The following LDHC variants were observed in gnomAD, a reference collection of about 807,000 sequenced individuals.
LDHC encodes the protein L-lactate dehydrogenase C chain.
LDHC carries 20 observed loss-of-function variants against 30.2 expected under a neutral mutation model. The observed-to-expected ratio is 0.66, with a 90% confidence interval of 0.47 to 0.96. The LOEUF (loss-of-function observed/expected upper bound fraction) is 0.96, where lower values mean the gene tolerates loss of function less well. LDHC is among the 40% of genes least tolerant of loss of function. The probability of loss-of-function intolerance (pLI) is 0.00; values close to 1 mark genes in which losing one functional copy is unlikely to be tolerated. For synonymous variants in LDHC, 139 were observed against 132.7 expected, an observed-to-expected ratio of 1.05 and a Z score of -0.32; for missense variants, 362 against 394.9, an observed-to-expected ratio of 0.92 and a Z score of 0.71.
At chr11:18,447,182 G>A (rs1472135977) in intron 7 of LDHC, among the ~76,000 whole-genome samples, 1 of 149,008 alleles carries the variant, frequency 6.7e-6, no homozygotes, top group Non-Finnish European at 1.5e-5. Flanking sequence ...CACCCAGGCT[G>A]GAGTGCAGTC....
At chr11:18,441,130 A>C (rs1214820189) in intron 6 of LDHC, among the ~76,000 whole-genome samples, 1 of 151,820 alleles carries the variant, frequency 6.6e-6, no homozygotes, top group Non-Finnish European at 1.5e-5. Flanking sequence ...ATCTCTTAAA[A>C]AAAAAACAAA....
At chr11:18,447,836 C>T (rs1329624327) in intron 7 of LDHC, among the ~76,000 whole-genome samples, 4 of 151,936 alleles carry the variant, frequency 2.6e-5, no homozygotes, top group Admixed American at 2.0e-4. Context: ...GATCACTTGA[C>T]GTCAGGAGTT....
At chr11:18,418,843 A>T (rs1450798791) in intron 3 of LDHC, among the ~76,000 whole-genome samples, 1 of 152,222 alleles carries the variant, frequency 6.6e-6, no homozygotes, top group African/African-American at 2.4e-5. Context: ...AATATGAAAT[A>T]AAAAAATCAA....
chr11:18,439,649 C>G (rs11024656), intron 6 of LDHC, among the ~76,000 whole-genome samples: 18 of 149,028 alleles, frequency 1.2e-4, no homozygotes, highest in African/African-American at 3.5e-4. Context: ...AACCACAAGT[C>G]TACTGTATGT....
intron 3 of LDHC, among the ~76,000 whole-genome samples, chr11:18,419,892 G>T (rs1363375012): frequency 6.6e-6 from 1 of 152,168 alleles, no homozygotes. Flanking sequence ...AGGAGTTGGA[G>T]ATCAGCTTGG....
intron 3 of LDHC, among the ~76,000 whole-genome samples, chr11:18,427,569 GA>G (rs1187304548): frequency 6.6e-6 from 1 of 151,296 alleles, no homozygotes; most frequent in Non-Finnish European, 1.5e-5. Flanking sequence ...TATTTACAAA[GA>G]AAAATAAATA....
chr11:18,412,671 G>A (rs913383547), intron 1 of LDHC, 38 bp from the exon 2 acceptor site: 1 of 1,584,968 alleles, frequency 6.3e-7, no homozygotes, highest in African/African-American at 1.4e-5. Context: ...TAGATGTTCA[G>A]TGTGGTTAAT....
At chr11:18,429,647 T>C (rs1219952546) in intron 3 of LDHC, 90 bp from the exon 4 acceptor site, 1 of 663,292 alleles carries the variant, frequency 1.5e-6, no homozygotes, top group East Asian at 2.8e-5. Flanking sequence ...TTTAATATAA[T>C]ACTAAGAACA....
chr11:18,418,406 CAAATT>C (rs544761922), intron 3 of LDHC, among the ~76,000 whole-genome samples: 1 of 150,106 alleles, frequency 6.7e-6, no homozygotes, highest in African/African-American at 2.5e-5. Context: ...TAAATGGAGT[CAAATT>C]AAAAGAGTAT....
intron 7 of LDHC, chr11:18,450,088 A>C (rs1848630049): frequency 6.6e-6 from 1 of 150,816 alleles, no homozygotes; most frequent in Non-Finnish European, 1.5e-5. Context: ...TTTAAATTTT[A>C]ATTTTTTGGG....
chr11:18,415,748 A>G (rs1259682020), intron 3 of LDHC, among the ~76,000 whole-genome samples: 2 of 152,004 alleles, frequency 1.3e-5, no homozygotes, highest in African/African-American at 2.4e-5. Flanking sequence ...GCTGGAGTGC[A>G]GTGGCACAAT....
chr11:18,434,657 A>G, intron 4 of LDHC, 83 bp from the exon 5 acceptor site: 1 of 750,702 alleles, frequency 1.3e-6, no homozygotes, highest in Non-Finnish European at 2.3e-6. Flanking sequence ...TGACTCTAAA[A>G]CAATTCATCT....
chr11:18,430,368 A>G (rs1590229006), intron 4 of LDHC, among the ~76,000 whole-genome samples: 1 of 152,024 alleles, frequency 6.6e-6, no homozygotes, highest in African/African-American at 2.4e-5. Flanking sequence ...ATGGGGTGTC[A>G]TTCAACCTCT....
intron 4 of LDHC, among the ~76,000 whole-genome samples, 156 bp from the exon 5 acceptor site, chr11:18,434,584 A>C (rs1207180001): frequency 1.3e-5 from 2 of 152,140 alleles, no homozygotes; most frequent in African/African-American, 4.8e-5. Context: ...GTGCCAGGGG[A>C]TAACAGGCGT....
At chr11:18,423,340 T>C (rs909077569) in intron 3 of LDHC, among the ~76,000 whole-genome samples, 5 of 152,216 alleles carry the variant, frequency 3.3e-5, no homozygotes, top group African/African-American at 1.2e-4. Flanking sequence ...GGTTTTGTTA[T>C]TATTGGACAT....
intron 3 of LDHC, among the ~76,000 whole-genome samples, chr11:18,425,426 G>C (rs1001180966): frequency 6.6e-6 from 1 of 151,896 alleles, no homozygotes; most frequent in African/African-American, 2.4e-5. Flanking sequence ...GTTAACCCAG[G>C]CTGGAGTGCA....
chr11:18,430,339 T>G (rs75381502), intron 4 of LDHC, among the ~76,000 whole-genome samples: 23,290 of 152,154 alleles, frequency 0.15, 2,011 homozygotes, highest in African/African-American at 0.23. Context: ...GTGTGTTTGA[T>G]ATGGGGTCTC....
At chr11:18,433,761 G>C (rs1487975173) in intron 4 of LDHC, among the ~76,000 whole-genome samples, 1 of 152,178 alleles carries the variant, frequency 6.6e-6, no homozygotes, top group African/African-American at 2.4e-5. Flanking sequence ...TGGGTAACCT[G>C]ATGACAGTGT....
intron 3 of LDHC, among the ~76,000 whole-genome samples, chr11:18,428,162 C>G (rs1848194940): frequency 7.1e-6 from 1 of 140,802 alleles, no homozygotes; most frequent in African/African-American, 2.7e-5. Context: ...CTTTCTTTCT[C>G]TCTCTTTTTT....
Sources: allele counts gnomAD v4.1 joint callset (sites outside exome capture counted in the v4.1 genomes callset), GRCh38; gene constraint gnomAD v4.1.1; transcripts MANE v1.5; gene names NCBI Gene and HGNC (gene_info 2026-07-23, HGNC 2026-07-21).